The following RPS6KC1 variants were observed in gnomAD, a reference collection of about 807,000 sequenced individuals.
RPS6KC1 encodes inactive ribosomal protein S6 kinase delta-1.
RPS6KC1 carries 54 observed loss-of-function variants against 103.8 expected under a neutral mutation model. The ratio of observed to expected loss-of-function variants is 0.52; its 90% CI spans 0.42 to 0.65. The LOEUF (loss-of-function observed/expected upper bound fraction) is 0.65, where lower values mean the gene tolerates loss of function less well. Ranked by LOEUF, RPS6KC1 falls within the 30% of genes least tolerant of loss-of-function variation. The pLI, the probability that RPS6KC1 is intolerant of heterozygous loss-of-function variation, is 0.00. For missense variants in RPS6KC1, 1,151 were observed against 1,253.8 expected (o/e 0.92, Z 1.24); for synonymous variants, 439 against 438.7 (o/e 1.00, Z -0.01).
At chr1:213,652,392 G>A in the RPS6KC1 span, among the ~76,000 whole-genome samples, 1 of 152,202 alleles carries the variant, frequency 6.6e-6, no homozygotes, top group Non-Finnish European at 1.5e-5. Context: ...TAATGAGTGA[G>A]TGACAGAGCA....
the RPS6KC1 span, among the ~76,000 whole-genome samples, chr1:213,416,625 C>T: frequency 6.6e-6 from 1 of 152,196 alleles, no homozygotes; most frequent in African/African-American, 2.4e-5. Context: ...ATGCAAGCCT[C>T]CCCTGTCACA....
the RPS6KC1 span, among the ~76,000 whole-genome samples, chr1:213,393,608 C>T: frequency 1.3e-5 from 2 of 152,190 alleles, no homozygotes; most frequent in South Asian, 4.1e-4. Flanking sequence ...CGCTGATGAT[C>T]CAAGCATTTG....
the RPS6KC1 span, among the ~76,000 whole-genome samples, chr1:213,649,766 G>A: frequency 8.5e-5 from 13 of 152,212 alleles, no homozygotes; most frequent in African/African-American, 1.7e-4. Context: ...TCCTAGTACC[G>A]AGCACATCTG....
At chr1:213,202,650 C>T (rs2093206917) in intron 8 of RPS6KC1, among the ~76,000 whole-genome samples, 1 of 149,620 alleles carries the variant, frequency 6.7e-6, no homozygotes, top group Admixed American at 6.7e-5. Context: ...AAACAAAAAA[C>T]AAACCAAAAA....
the RPS6KC1 span, among the ~76,000 whole-genome samples, chr1:213,482,540 GTTTT>G: frequency 8.7e-3 from 532 of 60,920 alleles, no homozygotes; most frequent in African/African-American, 0.033. Context: ...CTAACTTGAG[GTTTT>G]TTTTTTTTTT....
At chr1:213,860,985 A>G in the RPS6KC1 span, among the ~76,000 whole-genome samples, 1 of 151,768 alleles carries the variant, frequency 6.6e-6, no homozygotes, top group South Asian at 2.1e-4. Context: ...ATTTTTGTAT[A>G]TTTTGTAAAG....
the RPS6KC1 span, among the ~76,000 whole-genome samples, chr1:213,400,196 C>CAGGA: frequency 6.6e-6 from 1 of 151,974 alleles, no homozygotes; most frequent in Non-Finnish European, 1.5e-5. Context: ...AGGTAGATCC[C>CAGGA]AGGAAGGAAG....
the RPS6KC1 span, among the ~76,000 whole-genome samples, chr1:213,322,795 AGGCTGGAGTGCAGT>A: frequency 6.6e-6 from 1 of 151,636 alleles, no homozygotes; most frequent in East Asian, 1.9e-4. Flanking sequence ...CTTGTTGCCC[AGGCTGGAGTGCAGT>A]GGCACTCAGC....
the RPS6KC1 span, among the ~76,000 whole-genome samples, chr1:213,831,224 C>T: frequency 6.6e-6 from 1 of 152,170 alleles, no homozygotes; most frequent in Non-Finnish European, 1.5e-5. Flanking sequence ...GGTGTCACCT[C>T]ACATGGAAAA....
chr1:213,291,851 G>T, the RPS6KC1 span, among the ~76,000 whole-genome samples: 1 of 152,164 alleles, frequency 6.6e-6, no homozygotes, highest in Non-Finnish European at 1.5e-5. Flanking sequence ...TAATGCCTAG[G>T]TTTTCTTCTA....
the RPS6KC1 span, among the ~76,000 whole-genome samples, chr1:213,623,606 G>C: frequency 1.3e-5 from 2 of 152,190 alleles, no homozygotes; most frequent in Non-Finnish European, 2.9e-5. Flanking sequence ...CAGAGATTCA[G>C]AAAAGGGAAC....
At chr1:213,538,630 G>T in the RPS6KC1 span, among the ~76,000 whole-genome samples, 1 of 152,192 alleles carries the variant, frequency 6.6e-6, no homozygotes, top group South Asian at 2.1e-4. Flanking sequence ...TGGAGCAGAA[G>T]GTCAGGTTGG....
At chr1:213,303,067 C>T in the RPS6KC1 span, among the ~76,000 whole-genome samples, 1 of 152,150 alleles carries the variant, frequency 6.6e-6, no homozygotes, top group Non-Finnish European at 1.5e-5. Flanking sequence ...TGTATGTATG[C>T]CTTCTCTGCT....
chr1:213,358,368 G>A, the RPS6KC1 span, among the ~76,000 whole-genome samples: 5 of 152,162 alleles, frequency 3.3e-5, no homozygotes, highest in African/African-American at 1.2e-4. Context: ...TTGGGAGGGT[G>A]TATGTGTCAA....
the RPS6KC1 span, among the ~76,000 whole-genome samples, chr1:213,752,623 GA>G: frequency 1.3e-5 from 2 of 151,920 alleles, no homozygotes; most frequent in Admixed American, 6.5e-5. Context: ...TCCATGGAGG[GA>G]AAAAAAGAGG....
the RPS6KC1 span, among the ~76,000 whole-genome samples, chr1:213,343,868 C>G: frequency 1.3e-5 from 2 of 151,800 alleles, no homozygotes; most frequent in African/African-American, 2.4e-5. Flanking sequence ...GAAAAATAAT[C>G]AGATTGCCAC....
At chr1:213,297,135 G>A in the RPS6KC1 span, among the ~76,000 whole-genome samples, 5 of 152,168 alleles carry the variant, frequency 3.3e-5, no homozygotes, top group Admixed American at 1.3e-4. Flanking sequence ...TAAAGAGGGC[G>A]GTGGGCAGGA....
the RPS6KC1 span, among the ~76,000 whole-genome samples, chr1:213,839,172 A>G: frequency 6.6e-6 from 1 of 152,212 alleles, no homozygotes; most frequent in African/African-American, 2.4e-5. Flanking sequence ...GTAACTGAAT[A>G]CCAGGGATCA....
intron 7 of RPS6KC1, among the ~76,000 whole-genome samples, chr1:213,172,662 G>T (rs1462548059): frequency 1.3e-5 from 2 of 152,136 alleles, no homozygotes; most frequent in Non-Finnish European, 2.9e-5. Flanking sequence ...CGTAGTGGCT[G>T]CCAAGAGCAT....
Sources: gnomAD v4.1 joint callset for allele counts (sites outside exome capture counted in the v4.1 genomes callset) on GRCh38, gnomAD v4.1.1 for gene constraint, MANE v1.5 for transcripts, NCBI Gene and HGNC (gene_info 2026-07-23, HGNC 2026-07-21) for gene names.